KNTC1: variants seen among roughly 807,000 people sequenced by gnomAD.
KNTC1 encodes kinetochore associated 1, also known as kinetochore-associated protein 1.
KNTC1 carries 253 observed loss-of-function variants against 314.4 expected under a neutral mutation model. That is an observed-to-expected ratio of 0.80 (90% CI 0.73 to 0.89). The LOEUF (loss-of-function observed/expected upper bound fraction) is 0.89. KNTC1 is among the 40% of genes least tolerant of loss of function. The pLI, the probability that KNTC1 is intolerant of heterozygous loss-of-function variation, is 0.00. For missense variants in KNTC1, 2,475 were observed against 2,572.9 expected (o/e 0.96, Z 0.82); for synonymous variants, 901 against 901.4 (o/e 1.00, Z 0.01).
intron 5 of KNTC1, among the ~76,000 whole-genome samples, chr12:122,541,789 G>A (rs912071694): frequency 4.0e-5 from 6 of 151,838 alleles, no homozygotes; most frequent in Admixed American, 3.3e-4. Context: ...GGGAGGCTGA[G>A]GCAAGCAGAT....
At chr12:122,530,265 G>A (rs374494358) in intron 2 of KNTC1, 73 bp downstream of exon 2, 3 of 1,344,638 alleles carry the variant, frequency 2.2e-6, no homozygotes, top group African/African-American at 1.5e-5. Context: ...GTGGCCCACA[G>A]TAAATATTTT....
intron 29 of KNTC1, among the ~76,000 whole-genome samples, chr12:122,576,407 G>A (rs1014376687): frequency 2.0e-5 from 3 of 152,108 alleles, no homozygotes; most frequent in Non-Finnish European, 4.4e-5. Context: ...TAGGCCAGGT[G>A]CGGTGGCTCA....
intron 1 of KNTC1, among the ~76,000 whole-genome samples, chr12:122,529,222 G>A (rs1350790422): frequency 6.6e-6 from 1 of 152,136 alleles, no homozygotes; most frequent in Middle Eastern, 3.2e-3. Context: ...CAGCTGCCTA[G>A]TCATTGTGAA....
intron 49 of KNTC1, 43 bp downstream of exon 49, chr12:122,604,680 T>C (rs758598195): frequency 5.1e-5 from 72 of 1,400,046 alleles, no homozygotes; most frequent in Non-Finnish European, 7.3e-5. Context: ...TTCTTCCTAA[T>C]TAAATTGTAC....
chr12:122,569,064 T>C (rs1964520544), intron 21 of KNTC1, among the ~76,000 whole-genome samples: 1 of 151,940 alleles, frequency 6.6e-6, no homozygotes, highest in African/African-American at 2.4e-5. Context: ...AACTAATGAT[T>C]AATAGGCTTA....
intron 20 of KNTC1, among the ~76,000 whole-genome samples, chr12:122,566,733 G>A (rs1345372243): frequency 6.7e-6 from 1 of 149,500 alleles, no homozygotes; most frequent in Admixed American, 6.7e-5. Context: ...TAGTTGAGAC[G>A]GATTTTGCCA....
intron 44 of KNTC1, among the ~76,000 whole-genome samples, chr12:122,601,332 G>A (rs377468266): frequency 1.3e-4 from 20 of 152,156 alleles, no homozygotes; most frequent in South Asian, 6.2e-4. Flanking sequence ...TGATCCACCC[G>A]CCTCGGCCTC....
At chr12:122,546,981 C>G (rs1448232297) in intron 10 of KNTC1, among the ~76,000 whole-genome samples, 1 of 149,892 alleles carries the variant, frequency 6.7e-6, no homozygotes, top group Non-Finnish European at 1.5e-5. Context: ...TACAGGCGCC[C>G]ATCACCACGC....
intron 33 of KNTC1, 126 bp downstream of exon 33, chr12:122,580,796 AG>A (rs1777434913): frequency 3.8e-6 from 2 of 524,856 alleles, no homozygotes; most frequent in Non-Finnish European, 6.8e-6. Context: ...TGGGAGGCCA[AG>A]GTGAGTGGAT....
Position 122,544,467 on chromosome 12 carries a change from T to C in KNTC1, c.669+198T>C, listed in dbSNP as rs543411201. ...TATTGCATCTTTACTTTCCCTAGTC[T>C]TTACCTGAAAGTACAGCATTTTTTT... On this transcript the variant is annotated intron_variant, in intron 8 of 63. Transcript: ENST00000333479. Among the ~76,000 whole-genome samples, 4 of 152,330 alleles carry C rather than the reference T, an allele frequency of 2.6e-5. No individual in the cohort carries two copies. The South Asian group carries it at 8.3e-4, about 32-fold the overall frequency.
At chr12:122,612,196 G>C (rs990622395) in intron 53 of KNTC1, among the ~76,000 whole-genome samples, 7 of 151,540 alleles carry the variant, frequency 4.6e-5, no homozygotes, top group Non-Finnish European at 7.4e-5. Flanking sequence ...CTCCCGAGTA[G>C]CTGGGATTAC....
At chr12:122,625,255 T>C (rs1874896113) in intron 63 of KNTC1, among the ~76,000 whole-genome samples, 1 of 151,790 alleles carries the variant, frequency 6.6e-6, no homozygotes, top group Non-Finnish European at 1.5e-5. Flanking sequence ...ATACAAAAAT[T>C]AGCCAGGCGT....
intron 16 of KNTC1, among the ~76,000 whole-genome samples, chr12:122,554,914 G>A (rs1440805398): frequency 6.6e-6 from 1 of 152,132 alleles, no homozygotes; most frequent in East Asian, 1.9e-4. Flanking sequence ...GCGTGGTGGT[G>A]TGCGCCTGTA....
intron 57 of KNTC1, among the ~76,000 whole-genome samples, chr12:122,615,998 A>G (rs1289316075): frequency 2.0e-5 from 3 of 152,162 alleles, no homozygotes; most frequent in Non-Finnish European, 4.4e-5. Flanking sequence ...TTTTAATTAT[A>G]TGTTGGACTG....
rs1965353652 is a variant in KNTC1 at position 122,580,647 on chromosome 12, T to C, written c.2959T>C (p.Phe987Leu). The C allele has an allele frequency of 6.4e-7, 1 of 1,570,732 alleles. No individual in the cohort carries two copies. The highest frequency in any genetic ancestry group is 8.7e-7 in the Non-Finnish European group (1 of 1,155,770). Residue 987 changes from phenylalanine (F) to leucine (L), a missense_variant, in exon 33 of 64, where the codon TTT becomes CTT. Physicochemically the swap from Phe to Leu is conservative, Grantham distance 22 (BLOSUM62 0). Coordinates refer to ENST00000333479, the MANE Select transcript of KNTC1 (RefSeq NM_014708.6). ...KDECEEMLKLFKEVASLQENF... is the reference protein window; with the variant it reads ...KDECEEMLKLLKEVASLQENF... ...CGAATGTGAAGAAATGTTGAAACTA[T>C]TTAAAGAGGTTGCTAGCTTACAGGT...
chr12:122,570,812 G>T, intron 22 of KNTC1, 64 bp from the exon 23 acceptor site: 1 of 995,582 alleles, frequency 1.0e-6, no homozygotes, highest in East Asian at 2.6e-5. Flanking sequence ...AAGAAATCGT[G>T]GAGGTTTTTA....
rs12422470 is a variant in KNTC1 at position 122,621,907 on chromosome 12, G to A, written c.6306G>A (p.Gln2102=). 6.2e-7 allele frequency: 1 copy of A among 1,606,814 alleles called. No individual in the cohort carries two copies. The highest frequency in any genetic ancestry group is 1.1e-5 in the South Asian group (1 of 89,364). Residue 2102 remains glutamine (Q), a synonymous_variant, in exon 61 of 64, where the codon CAG becomes CAA. Coordinates refer to ENST00000333479, the MANE Select transcript of KNTC1 (RefSeq NM_014708.6). ...ATTTTCTGGGTTCCTGTGACCCTCA[G>A]GTTATTTTAAAGCAATTGGAAGAGC... ...IKNFLGSCDP[Q]VILKQLEEHM...
Position 122,584,948 on chromosome 12 carries a change from T to C in KNTC1, c.3492T>C (p.Leu1164=). The part of the protein sequence containing the change: ...LCKHTLMAVE[L]SRQCQMDDCG... ...AACATACTTTAATGGCTGTAGAGCT[T>C]TCCAGACAATGCCAAATGGATGACT... The change falls in exon 36 of 64, where the codon CTT becomes CTC. Residue 1164 remains leucine, a synonymous_variant. Coordinates refer to ENST00000333479, the MANE Select transcript of KNTC1 (RefSeq NM_014708.6). 6.2e-7 allele frequency: 1 copy of C among 1,607,260 alleles called. No individual in the cohort carries two copies. Among genetic ancestry groups the C allele is most frequent in the Non-Finnish European group, 8.5e-7 (1 of 1,173,808 alleles).
rs746715539 is a variant in KNTC1, at chr12:122,573,038, CCT to C, written c.2126_2127del (p.Ser709Ter). On this transcript the variant is annotated frameshift_variant, in exon 25 of 64. Coordinates refer to ENST00000333479, the MANE Select transcript of KNTC1 (RefSeq NM_014708.6). LOFTEE classifies it high-confidence loss of function. ...ATAGGAAGTACAACTGCAAATTAGCCCTCTCTGATTTTGAGAAGGTAAAGTCC... is the reference window on the plus strand; with the variant it reads ...ATAGGAAGTACAACTGCAAATTAGCCCTCTGATTTTGAGAAGGTAAAGTCC... ...LHRKYNCKLA[L>X]SDFEKENTTT... The C allele has an allele frequency of 5.0e-6, 8 of 1,611,914 alleles. No homozygotes were observed. The highest frequency in any genetic ancestry group is 5.1e-6 in the Non-Finnish European group (6 of 1,178,838).
Sources: gnomAD v4.1 joint callset for allele counts (sites outside exome capture counted in the v4.1 genomes callset) on GRCh38, gnomAD v4.1.1 for gene constraint, MANE v1.5 for transcripts, NCBI Gene and HGNC (gene_info 2026-07-23, HGNC 2026-07-21) for gene names.